The following KLRG1 variants were observed in gnomAD, a reference collection of about 807,000 sequenced individuals.
KLRG1 encodes killer cell lectin-like receptor subfamily G member 1.
A neutral mutation model predicts 21.8 loss-of-function variants in KLRG1; 16 were observed. That is an observed-to-expected ratio of 0.73 (90% confidence interval 0.50 to 1.11). The LOEUF (loss-of-function observed/expected upper bound fraction) is 1.11, where lower values mean the gene tolerates loss of function less well. Among genes scored for constraint, KLRG1 ranks in the 50% most tolerant of loss-of-function variants. The pLI, the probability that KLRG1 is intolerant of heterozygous loss-of-function variation, is 0.00. For synonymous variants in KLRG1, 69 were observed against 75.9 expected, an observed-to-expected ratio of 0.91 and a Z score of 0.47; for missense variants, 173 against 218.3, an observed-to-expected ratio of 0.79 and a Z score of 1.31.
At chr12:9,189,614 T>A in the KLRG1 span, among the ~76,000 whole-genome samples, 2 of 152,096 alleles carry the variant, frequency 1.3e-5, no homozygotes, top group African/African-American at 4.8e-5. Context: ...CTAAAAACAA[T>A]CTCAACAAAT....
chr12:9,148,928 G>A, the KLRG1 span: 1 of 1,530,878 alleles, frequency 6.5e-7, no homozygotes, highest in Non-Finnish European at 9.0e-7. Context: ...CTAAGTAAAT[G>A]TATAGGACAG....
the KLRG1 span, among the ~76,000 whole-genome samples, chr12:9,086,301 T>C: frequency 1.3e-5 from 2 of 152,164 alleles, no homozygotes; most frequent in Admixed American, 1.3e-4. Flanking sequence ...GCTGAGGTGG[T>C]AGGATTGCTT....
chr12:9,107,822 T>C, the KLRG1 span, among the ~76,000 whole-genome samples: 29 of 152,218 alleles, frequency 1.9e-4, 1 homozygote, highest in Admixed American at 2.0e-4. Context: ...GAAATCTCCA[T>C]TGCAACATGC....
chr12:9,160,962 T>A, the KLRG1 span: 1 of 1,237,694 alleles, frequency 8.1e-7, no homozygotes, highest in Non-Finnish European at 1.2e-6. Flanking sequence ...ATAATTCAAA[T>A]ACAAATACGT....
the KLRG1 span, chr12:9,076,954 G>A: frequency 6.4e-7 from 1 of 1,559,228 alleles, no homozygotes; most frequent in Non-Finnish European, 8.7e-7. Context: ...GGCAGAACAA[G>A]AAGGGAACTA....
At chr12:9,207,544 TAGAG>T in the KLRG1 span, among the ~76,000 whole-genome samples, 2 of 152,178 alleles carry the variant, frequency 1.3e-5, no homozygotes, top group African/African-American at 4.8e-5. Context: ...GACAGTCAGT[TAGAG>T]AGGACTGTTG....
At chr12:9,110,428 AG>A in the KLRG1 span, 1 of 705,820 alleles carries the variant, frequency 1.4e-6, no homozygotes, top group Non-Finnish European at 2.3e-6. Context: ...CTAGCATAAC[AG>A]GGTGAGTATA....
chr12:8,985,383 T>C (rs1946826758), upstream of KLRG1, among the ~76,000 whole-genome samples: 1 of 152,218 alleles, frequency 6.6e-6, no homozygotes, highest in South Asian at 2.1e-4. Flanking sequence ...CCAAATGTGG[T>C]AGGGGTGTTC....
chr12:8,967,171 A>T lies in KLRG1; in HGVS notation c.-156+16935A>T, dbSNP rs1248607499. Among the ~76,000 whole-genome samples, 8 of 113,766 alleles carry T rather than the reference A, an allele frequency of 7.0e-5. No individual in the cohort carries two copies. The East Asian group carries it at 2.0e-3, about 29-fold the overall frequency. The allele number at this position is 113,766 out of a possible 152,430, so 74.6% of individuals were successfully genotyped here. A position where few individuals can be genotyped will look rare whatever the true frequency, so the allele number is the denominator to read the frequency against. ...GGACACAGGAAGGGGAACATCACAC[A>T]CCGGGGACTGTTGTGGGGTGGGGGG... On this transcript the variant is annotated intron_variant, in intron 1 of 4. Transcript: ENST00000539240.
At chr12:8,978,344 A>G (rs1390530161) in intron 1 of KLRG1, among the ~76,000 whole-genome samples, 1 of 152,126 alleles carries the variant, frequency 6.6e-6, no homozygotes, top group Non-Finnish European at 1.5e-5. Flanking sequence ...AAATTTTTGA[A>G]AATGTTATAA....
intron 3 of KLRG1, among the ~76,000 whole-genome samples, chr12:9,003,605 G>A (rs927472772): frequency 7.3e-5 from 11 of 151,290 alleles, no homozygotes; most frequent in Non-Finnish European, 1.3e-4. Context: ...TTCACTCTCC[G>A]GTCTACCTTC....
Position 9,009,696 on chromosome 12 carries a change from C to T in KLRG1, c.*159C>T. ...CAAGACAACCTCCTAGGGATTGATG[C>T]CTAACTGATGGATTCTCTTTGAGAC... On this transcript the variant is annotated 3_prime_UTR_variant, in exon 5 of 5. Transcript: ENST00000356986. The T allele has an allele frequency of 7.0e-7, 1 of 1,427,264 alleles. No homozygotes were observed. The highest frequency in any genetic ancestry group is 9.1e-7 in the Non-Finnish European group (1 of 1,094,952). 88.4% of individuals were successfully genotyped at this position (1,427,264 alleles called of 1,614,324 possible). A position where few individuals can be genotyped will look rare whatever the true frequency, so the allele number is the denominator to read the frequency against.
the KLRG1 span, among the ~76,000 whole-genome samples, chr12:9,071,371 C>T: frequency 2.6e-5 from 4 of 151,480 alleles, no homozygotes; most frequent in African/African-American, 7.3e-5. Context: ...AGTTTGCATC[C>T]GAAATTTGGA....
At chr12:9,148,994 T>A in the KLRG1 span, 1 of 1,611,500 alleles carries the variant, frequency 6.2e-7, no homozygotes, top group Non-Finnish European at 8.5e-7. Context: ...ATGCTCTGTA[T>A]CTATGGAGAA....
At chr12:9,157,956 C>G in the KLRG1 span, 1 of 897,846 alleles carries the variant, frequency 1.1e-6, no homozygotes, top group Non-Finnish European at 1.8e-6. Flanking sequence ...ATACCATTTC[C>G]TTCTCTCTCT....
At chr12:9,205,616 T>C in the KLRG1 span, among the ~76,000 whole-genome samples, 3 of 152,194 alleles carry the variant, frequency 2.0e-5, no homozygotes, top group African/African-American at 7.2e-5. Flanking sequence ...CTTCAAAGCT[T>C]TAATGATTCA....
At chr12:9,158,534 G>A in the KLRG1 span, 11 of 1,614,034 alleles carry the variant, frequency 6.8e-6, no homozygotes, top group Non-Finnish European at 9.3e-6. Context: ...TGAAGATGTA[G>A]GATCGAGCCT....
intron 1 of KLRG1, among the ~76,000 whole-genome samples, chr12:8,965,951 C>T (rs377191479): frequency 1.3e-5 from 2 of 152,278 alleles, no homozygotes; most frequent in African/African-American, 2.4e-5. Context: ...TACAAGGCTA[C>T]AGTAACCAAA....
the KLRG1 span, among the ~76,000 whole-genome samples, chr12:9,201,903 T>C: frequency 4.6e-5 from 7 of 152,218 alleles, no homozygotes; most frequent in Admixed American, 4.6e-4. Context: ...GTATAATATA[T>C]TTCTATACTA....
Sources: allele counts gnomAD v4.1 joint callset (sites outside exome capture counted in the v4.1 genomes callset), GRCh38; gene constraint gnomAD v4.1.1; transcripts MANE v1.5; gene names NCBI Gene and HGNC (gene_info 2026-07-23, HGNC 2026-07-21).